Variants in FSHR observed in about 807,000 individuals in gnomAD.
FSHR encodes follicle-stimulating hormone receptor.
Under a neutral mutation model 52.1 loss-of-function variants are expected in FSHR, and 46 were observed. The observed-to-expected ratio is 0.88, with a 90% CI of 0.70 to 1.13. The LOEUF (loss-of-function observed/expected upper bound fraction) is 1.13, where lower values mean the gene tolerates loss of function less well. Ranked by LOEUF, FSHR falls within the 50% of genes most tolerant of loss-of-function variation. The probability of loss-of-function intolerance (pLI) is 0.00; values close to 1 mark genes in which losing one functional copy is unlikely to be tolerated. For missense variants in FSHR, 964 were observed against 834.6 expected, an observed-to-expected ratio of 1.16 and a Z score of -1.91; for synonymous variants, 399 against 309.6, an observed-to-expected ratio of 1.29 and a Z score of -3.03.
intron 1 of FSHR, among the ~76,000 whole-genome samples, chr2:49,141,449 G>GC (rs1053959938): frequency 6.6e-6 from 1 of 152,072 alleles, no homozygotes; most frequent in Non-Finnish European, 1.5e-5. Flanking sequence ...CAGAGCAGGA[G>GC]CAAGGTAGTG....
At chr2:49,073,306 G>A (rs1234025936) in intron 1 of FSHR, among the ~76,000 whole-genome samples, 1 of 151,960 alleles carries the variant, frequency 6.6e-6, no homozygotes, top group African/African-American at 2.4e-5. Flanking sequence ...ATATACAGAA[G>A]AACCTAAAGA....
At chr2:49,014,607 G>T in intron 4 of FSHR, 1 of 256,774 alleles carries the variant, frequency 3.9e-6, no homozygotes, top group Non-Finnish European at 7.6e-6. Flanking sequence ...AGAACAAATG[G>T]TGCTGGCTGC....
intron 1 of FSHR, among the ~76,000 whole-genome samples, chr2:49,097,336 A>G (rs1170871747): frequency 6.6e-6 from 1 of 152,126 alleles, no homozygotes; most frequent in Admixed American, 6.5e-5. Flanking sequence ...ATTTCTAGTG[A>G]TACATCTTCA....
At chr2:49,084,931 T>C (rs1351994181) in intron 1 of FSHR, among the ~76,000 whole-genome samples, 5 of 152,242 alleles carry the variant, frequency 3.3e-5, no homozygotes, top group Admixed American at 6.5e-5. Flanking sequence ...GAGGAACTGG[T>C]ACCATTCCTT....
chr2:49,097,648 G>A (rs1305420562), intron 1 of FSHR, among the ~76,000 whole-genome samples: 1 of 152,162 alleles, frequency 6.6e-6, no homozygotes, highest in Non-Finnish European at 1.5e-5. Context: ...GGCTGGAATA[G>A]AATAACGTTA....
chr2:49,013,946 C>G (rs913420651), intron 4 of FSHR, among the ~76,000 whole-genome samples: 2 of 152,028 alleles, frequency 1.3e-5, no homozygotes, highest in African/African-American at 4.8e-5. Flanking sequence ...CTCTTTCTCT[C>G]TGTGTATATG....
chr2:49,022,341 C>T (rs116819859), intron 2 of FSHR, among the ~76,000 whole-genome samples: 542 of 152,132 alleles, frequency 3.6e-3, no homozygotes, highest in Non-Finnish European at 5.6e-3. Context: ...CCGTATTTGA[C>T]GGTCTCAACT....
At chr2:49,039,144 G>A (rs897695202) in intron 2 of FSHR, among the ~76,000 whole-genome samples, 1 of 152,058 alleles carries the variant, frequency 6.6e-6, no homozygotes, top group African/African-American at 2.4e-5. Context: ...TTTTGTTGTA[G>A]CAAGTACAAT....
chr2:49,133,181 C>T (rs1428844133), intron 1 of FSHR, among the ~76,000 whole-genome samples: 1 of 152,052 alleles, frequency 6.6e-6, no homozygotes, highest in Non-Finnish European at 1.5e-5. Flanking sequence ...ATCCCAGCTG[C>T]CCGTTGCTGA....
chr2:49,093,697 C>T (rs965071570), intron 1 of FSHR, among the ~76,000 whole-genome samples: 14 of 150,410 alleles, frequency 9.3e-5, no homozygotes, highest in South Asian at 2.1e-4. Flanking sequence ...CGGGTTCAAG[C>T]GATCCTCCCG....
chr2:49,150,551 CAGTT>C (rs1168457236), intron 1 of FSHR, among the ~76,000 whole-genome samples: 1 of 152,072 alleles, frequency 6.6e-6, no homozygotes, highest in East Asian at 1.9e-4. Context: ...GCATCTCTGT[CAGTT>C]AGGCACACAT....
intron 1 of FSHR, among the ~76,000 whole-genome samples, chr2:49,087,235 G>GT (rs1670435558): frequency 6.6e-6 from 1 of 151,874 alleles, no homozygotes; most frequent in African/African-American, 2.4e-5. Flanking sequence ...AGGCTTTTTG[G>GT]TAACTGGGGC....
chr2:49,038,272 G>C (rs1216993581), intron 2 of FSHR, among the ~76,000 whole-genome samples: 1 of 152,108 alleles, frequency 6.6e-6, no homozygotes, highest in African/African-American at 2.4e-5. Context: ...TAGAGTTTAA[G>C]AAGTGAAGTC....
At chr2:48,999,877 T>C (rs1482357833) in intron 4 of FSHR, among the ~76,000 whole-genome samples, 1 of 152,130 alleles carries the variant, frequency 6.6e-6, no homozygotes, top group African/African-American at 2.4e-5. Context: ...ATCCTGAGTT[T>C]GGTGTTTCCT....
At chr2:49,021,807 C>T (rs1193312208) in intron 2 of FSHR, among the ~76,000 whole-genome samples, 1 of 140,860 alleles carries the variant, frequency 7.1e-6, no homozygotes, top group East Asian at 2.3e-4. Context: ...CACAGTTGAA[C>T]ATAAATAAGG....
At chr2:49,138,888 A>G (rs1313922962) in intron 1 of FSHR, among the ~76,000 whole-genome samples, 2 of 152,184 alleles carry the variant, frequency 1.3e-5, no homozygotes, top group African/African-American at 4.8e-5. Flanking sequence ...AAGTAAAAAT[A>G]CCAGTGGAAT....
intron 2 of FSHR, among the ~76,000 whole-genome samples, chr2:49,043,919 T>G (rs1269252778): frequency 6.6e-6 from 1 of 152,188 alleles, no homozygotes; most frequent in East Asian, 1.9e-4. Flanking sequence ...TCCTACTGTC[T>G]CCATAAAACC....
intron 1 of FSHR, among the ~76,000 whole-genome samples, chr2:49,069,905 T>TAAA (rs1558423060): frequency 1.3e-5 from 2 of 152,168 alleles, no homozygotes; most frequent in African/African-American, 2.4e-5. Flanking sequence ...TCATAAATAT[T>TAAA]TTATTGCTTT....
At position 49,137,414 on chromosome 2, in the gene FSHR, C is replaced by G. The variant is rs564912060; in HGVS notation, c.152+16852G>C. On this transcript the variant is annotated intron_variant, in intron 1 of 9. Coordinates refer to ENST00000406846, the MANE Select transcript of FSHR (RefSeq NM_000145.4). ...TTAATATTGTTAAGATGGCAATACT[C>G]CCTAAACTAGTCTATAGGTTGAGTG... is the stretch of plus-strand genomic sequence containing the variant. Among the ~76,000 whole-genome samples, 11 of 152,104 alleles carry G rather than the reference C, an allele frequency of 7.2e-5. No individual in the cohort carries two copies. In the East Asian group the frequency reaches 2.1e-3, roughly 29 times the overall value.
Sources: gnomAD v4.1 joint callset for allele counts (sites outside exome capture counted in the v4.1 genomes callset) on GRCh38, gnomAD v4.1.1 for gene constraint, MANE v1.5 for transcripts, NCBI Gene and HGNC (gene_info 2026-07-23, HGNC 2026-07-21) for gene names.